DNAH14: variants seen among roughly 807,000 people sequenced by gnomAD.
The protein encoded by DNAH14 is axonemal beta dynein heavy chain 14.
A neutral mutation model predicts 520.9 loss-of-function variants in DNAH14; 478 were observed. The ratio of observed to expected loss-of-function variants is 0.92; its 90% CI spans 0.85 to 0.99. The LOEUF (loss-of-function observed/expected upper bound fraction) is 0.99. Among genes scored for constraint, DNAH14 ranks in the 50% least tolerant of loss-of-function variants. The pLI, the probability that DNAH14 is intolerant of heterozygous loss-of-function variation, is 0.00. For synonymous variants in DNAH14, 1,581 were observed against 1,757.2 expected, an observed-to-expected ratio of 0.90 and a Z score of 2.51; for missense variants, 4,831 against 5,234.5, an observed-to-expected ratio of 0.92 and a Z score of 2.38.
chr1:225,257,739 G>T (rs535482122), intron 44 of DNAH14, among the ~76,000 whole-genome samples: 1 of 151,826 alleles, frequency 6.6e-6, no homozygotes, highest in Non-Finnish European at 1.5e-5. Context: ...GTTTCACCGC[G>T]TTAGCCAGGA....
chr1:225,338,078 A>T lies in DNAH14; in HGVS notation c.10329A>T (p.Leu3443Phe). ...TTTTTCAGAATCTCCTTGAGACATT[A>T]GCTCCAGGCTTAAAGGCAATTCTGA... ...SVLLQNLLET[L>F]APGLKAILKK... The change falls in exon 68 of 86, where the codon TTA becomes TTT. Residue 3443 changes from leucine (L) to phenylalanine (F), a missense_variant. Physicochemically the swap from Leu to Phe is conservative, Grantham distance 22. Transcript: ENST00000682510. The T allele has an allele frequency of 1.9e-6, 3 of 1,547,034 alleles. No individual in the cohort carries two copies. The highest frequency in any genetic ancestry group is 2.6e-6 in the Non-Finnish European group (3 of 1,145,834).
chr1:225,097,142 A>C lies in DNAH14; in HGVS notation c.3598A>C (p.Asn1200His), dbSNP rs2075053151. 6.5e-7 allele frequency: 1 copy of C among 1,549,872 alleles called. No individual in the cohort carries two copies. Among genetic ancestry groups the C allele is most frequent in the Admixed American group, 2.0e-5 (1 of 50,928 alleles). Residue 1200 changes from asparagine (N) to histidine (H), a missense_variant, in exon 22 of 86, where the codon AAC becomes CAC. Physicochemically the swap from Asn to His is moderately conservative, Grantham distance 68. Coordinates refer to ENST00000682510, the MANE Select transcript of DNAH14 (RefSeq NM_001367479.1). The part of the protein sequence containing the change: ...IKDLVNEWDQ[N>H]LTLFSYTLEE... ...GGATCTTGTGAATGAATGGGATCAA[A>C]ACTTGACTCTCTTCTCTTACACCCT...
At chr1:225,248,542 AT>A (rs1016465639) in intron 43 of DNAH14, among the ~76,000 whole-genome samples, 53 of 152,336 alleles carry the variant, frequency 3.5e-4, no homozygotes, top group African/African-American at 1.2e-3. Context: ...GAAGTTTAGA[AT>A]GAGGTAATTA....
At chr1:225,109,612 T>A (rs1240196321) in intron 23 of DNAH14, among the ~76,000 whole-genome samples, 1 of 152,166 alleles carries the variant, frequency 6.6e-6, no homozygotes, top group East Asian at 1.9e-4. Context: ...TGGTGGAGTC[T>A]TTAGGTTTTC....
chr1:225,369,342 C>A (rs554333366), intron 77 of DNAH14, among the ~76,000 whole-genome samples: 6 of 150,844 alleles, frequency 4.0e-5, no homozygotes, highest in Admixed American at 3.3e-4. Context: ...GCAATTTATA[C>A]GAAAAAGTGA....
Position 225,094,902 on chromosome 1 carries a change from CA to C in DNAH14, c.3574-2214del, listed in dbSNP as rs146228197. 5.0e-3 allele frequency among the ~76,000 whole-genome samples: 759 copies of C among 150,504 alleles called. 6 individuals carry two copies. The highest frequency in any genetic ancestry group is 0.017 in the African/African-American group (717 of 41,150). On this transcript the variant is annotated intron_variant, in intron 21 of 85. Transcript: ENST00000682510. Reference sequence around the variant, plus strand: ...TTTCAAAAGAAGACATACACATGGCCAACAAGCATATGAAAAATTTCTCATC... The same window carrying C: ...TTTCAAAAGAAGACATACACATGGCCACAAGCATATGAAAAATTTCTCATC...
At chr1:225,252,751 A>C (rs984571704) in intron 44 of DNAH14, among the ~76,000 whole-genome samples, 3 of 152,174 alleles carry the variant, frequency 2.0e-5, no homozygotes, top group African/African-American at 7.2e-5. Context: ...GACTACTTGT[A>C]AAATGTGAAA....
At chr1:225,209,340 A>G (rs2088021386) in intron 41 of DNAH14, among the ~76,000 whole-genome samples, 1 of 152,138 alleles carries the variant, frequency 6.6e-6, no homozygotes, top group Non-Finnish European at 1.5e-5. Context: ...TCAGTGCACC[A>G]CAGACTTTAA....
In DNAH14 at chr1:225,080,383, G is replaced by T. The variant is rs373262464; in HGVS notation, c.2771G>T (p.Arg924Ile). The T allele has an allele frequency of 3.9e-6, 6 of 1,523,082 alleles. No individual in the cohort carries two copies. In the African/African-American group the frequency reaches 8.3e-5, roughly 21 times the overall value. The allele number at this position is 1,523,082 out of a possible 1,614,324, so 94.3% of individuals were successfully genotyped here. A position where few individuals can be genotyped will look rare whatever the true frequency, so the allele number is the denominator to read the frequency against. Residue 924 changes from arginine (R) to isoleucine (I), a missense_variant, in exon 19 of 86, where the codon AGA becomes ATA. Transcript: ENST00000682510. ...AGTCCTACTCTTATTTTTTAGATAA[G>T]AACTCCTCTTCTGTTATGTGCTGGT... is the stretch of plus-strand genomic sequence containing the variant. ...VDVGNLKAKI[R>I]TPLLLCAGTQ...
intron 41 of DNAH14, among the ~76,000 whole-genome samples, chr1:225,227,574 CTCTT>C (rs1298647745): frequency 6.6e-6 from 1 of 152,138 alleles, no homozygotes; most frequent in Non-Finnish European, 1.5e-5. Context: ...AGTCTGATCT[CTCTT>C]TCTTTCCCCC....
chr1:224,939,519 A>T (rs561183756), intron 1 of DNAH14, among the ~76,000 whole-genome samples: 135 of 152,118 alleles, frequency 8.9e-4, no homozygotes, highest in African/African-American at 2.2e-3. Flanking sequence ...AAATAAATTT[A>T]AAAAAACACG....
At chr1:225,187,411 G>GT (rs917890517) in intron 37 of DNAH14, among the ~76,000 whole-genome samples, 97 of 151,780 alleles carry the variant, frequency 6.4e-4, no homozygotes, top group African/African-American at 2.0e-3. Context: ...ATATATCTGG[G>GT]TTTTTTCTAC....
chr1:225,326,022 A>G (rs1332222905), intron 64 of DNAH14, among the ~76,000 whole-genome samples: 1 of 152,228 alleles, frequency 6.6e-6, no homozygotes, highest in Non-Finnish European at 1.5e-5. Context: ...TAGATATATC[A>G]TTTCTTGCTA....
At chr1:225,058,914 A>G (rs3123457) in intron 17 of DNAH14, among the ~76,000 whole-genome samples, 129,590 of 152,144 alleles carry the variant, frequency 0.85, 58,764 homozygotes, top group Non-Finnish European at 1. Flanking sequence ...TATAATTTTT[A>G]TTCTTTTACA....
chr1:225,278,063 A>AT (rs931781170), intron 54 of DNAH14, among the ~76,000 whole-genome samples: 8 of 150,600 alleles, frequency 5.3e-5, no homozygotes, highest in Non-Finnish European at 1.0e-4. Flanking sequence ...CTCAAAAAGA[A>AT]TTTTTTTTAT....
chr1:225,264,306 C>G, intron 47 of DNAH14, 45 bp downstream of exon 47: 1 of 1,380,742 alleles, frequency 7.2e-7, no homozygotes, highest in Non-Finnish European at 1.0e-6. Flanking sequence ...TGTTTCAAAA[C>G]TTCACAACCA....
chr1:224,960,943 C>T (rs2060805326), intron 4 of DNAH14, among the ~76,000 whole-genome samples: 1 of 152,052 alleles, frequency 6.6e-6, no homozygotes, highest in African/African-American at 2.4e-5. Context: ...ACAAAACCTC[C>T]ACGGACGTGG....
intron 77 of DNAH14, among the ~76,000 whole-genome samples, chr1:225,372,307 G>T (rs1201573819): frequency 6.6e-6 from 1 of 152,262 alleles, no homozygotes; most frequent in South Asian, 2.1e-4. Flanking sequence ...TCCTGAAAGG[G>T]TCCTCCTTCA....
chr1:225,073,061 C>G (rs907453191), intron 17 of DNAH14, among the ~76,000 whole-genome samples: 1 of 152,004 alleles, frequency 6.6e-6, no homozygotes, highest in African/African-American at 2.4e-5. Context: ...CCACTTCAGC[C>G]CCTTGTTGCC....
Sources: gnomAD v4.1 joint callset for allele counts (sites outside exome capture counted in the v4.1 genomes callset) on GRCh38, gnomAD v4.1.1 for gene constraint, MANE v1.5 for transcripts, NCBI Gene and HGNC (gene_info 2026-07-23, HGNC 2026-07-21) for gene names.